DLG2: variants seen among roughly 807,000 people sequenced by gnomAD.
DLG2 encodes the protein discs large MAGUK scaffold protein 2.
Under a neutral mutation model 132.5 loss-of-function variants are expected in DLG2, and 45 were observed. That is an observed-to-expected ratio of 0.34 (90% CI 0.27 to 0.44). The LOEUF (loss-of-function observed/expected upper bound fraction) is 0.44, where lower values mean the gene tolerates loss of function less well. Ranked by LOEUF, DLG2 falls within the 20% of genes least tolerant of loss-of-function variation. The pLI, the probability that DLG2 is intolerant of heterozygous loss-of-function variation, is 1.00. For missense variants in DLG2, 1,045 were observed against 1,196.9 expected, an observed-to-expected ratio of 0.87 and a Z score of 1.87; for synonymous variants, 424 against 419.6, an observed-to-expected ratio of 1.01 and a Z score of -0.13.
chr11:85,063,598 A>G (rs925112696), intron 6 of DLG2, among the ~76,000 whole-genome samples: 1 of 151,878 alleles, frequency 6.6e-6, no homozygotes, highest in Admixed American at 6.6e-5. Context: ...TCTTTCTACA[A>G]AACAAAAGTT....
intron 3 of DLG2, among the ~76,000 whole-genome samples, chr11:85,314,753 T>C (rs2080539037): frequency 6.6e-6 from 1 of 151,990 alleles, no homozygotes; most frequent in Non-Finnish European, 1.5e-5. Flanking sequence ...ACCAGCTCTC[T>C]CAGCACAGGA....
At position 84,555,220 on chromosome 11, in the gene DLG2, T is replaced by A. The variant is rs554893155; in HGVS notation, c.358-20489A>T. On this transcript the variant is annotated intron_variant, in intron 6 of 27. Transcript: ENST00000376104. The stretch of plus-strand genomic sequence containing the variant: ...AGCCTGTAAGAGGATGTAACTGCAA[T>A]AAAAAGCAGTATGGAGGTTCTTCAA... Among the ~76,000 whole-genome samples, 118 of 152,072 alleles carry A rather than the reference T, an allele frequency of 7.8e-4. 2 individuals carry two copies. Among genetic ancestry groups the A allele is most frequent in the Middle Eastern group, 3.4e-3 (1 of 294 alleles).
intron 5 of DLG2, among the ~76,000 whole-genome samples, chr11:85,144,252 C>T (rs557232329): frequency 2.6e-5 from 4 of 151,428 alleles, no homozygotes; most frequent in Admixed American, 6.6e-5. Flanking sequence ...CTAATTCCTG[C>T]TCTTTCTTAG....
At chr11:85,587,758 G>C (rs192252470) in intron 3 of DLG2, among the ~76,000 whole-genome samples, 2 of 152,044 alleles carry the variant, frequency 1.3e-5, no homozygotes, top group East Asian at 3.9e-4. Flanking sequence ...GAACATCTTG[G>C]GTTTTTTCTT....
chr11:83,763,625 C>G (rs112800596), intron 18 of DLG2, among the ~76,000 whole-genome samples: 6,189 of 152,208 alleles, frequency 0.041, 421 homozygotes, highest in African/African-American at 0.14. Context: ...TAAAAGGCAA[C>G]TTTTTCCACA....
intron 4 of DLG2, among the ~76,000 whole-genome samples, chr11:85,209,284 T>C (rs1215239045): frequency 6.6e-6 from 1 of 152,032 alleles, no homozygotes; most frequent in Non-Finnish European, 1.5e-5. Flanking sequence ...AATATCAATG[T>C]TGATTTTTTT....
intron 22 of DLG2, among the ~76,000 whole-genome samples, chr11:83,473,666 T>C (rs970364744): frequency 3.3e-5 from 5 of 152,056 alleles, no homozygotes; most frequent in African/African-American, 1.2e-4. Flanking sequence ...AAAAGAACTT[T>C]CTGTCTACTA....
At chr11:84,963,520 A>G (rs1044210806) in intron 6 of DLG2, among the ~76,000 whole-genome samples, 5 of 152,208 alleles carry the variant, frequency 3.3e-5, no homozygotes, top group African/African-American at 1.2e-4. Context: ...GACAGCCTAC[A>G]TTATTATAAT....
At chr11:84,655,858 CATGCAA>C (rs2099687616) in intron 6 of DLG2, among the ~76,000 whole-genome samples, 1 of 152,020 alleles carries the variant, frequency 6.6e-6, no homozygotes, top group African/African-American at 2.4e-5. Context: ...TTCATCCACC[CATGCAA>C]ATGTTTCATT....
At chr11:83,857,488 AC>A (rs1243201491) in intron 16 of DLG2, among the ~76,000 whole-genome samples, 1 of 152,086 alleles carries the variant, frequency 6.6e-6, no homozygotes, top group Non-Finnish European at 1.5e-5. Flanking sequence ...ATCTCTGAGA[AC>A]CCTGGTAAGA....
chr11:84,929,225 T>G (rs2047816020), intron 6 of DLG2, among the ~76,000 whole-genome samples: 1 of 151,358 alleles, frequency 6.6e-6, no homozygotes, highest in Non-Finnish European at 1.5e-5. Flanking sequence ...ATACTAAGTC[T>G]TTTAATTGTA....
intron 6 of DLG2, among the ~76,000 whole-genome samples, chr11:84,714,733 C>G (rs1372996436): frequency 1.4e-5 from 2 of 148,074 alleles, no homozygotes; most frequent in African/African-American, 5.0e-5. Flanking sequence ...TCATTCTGTT[C>G]TATTTTCTTT....
intron 6 of DLG2, among the ~76,000 whole-genome samples, chr11:84,978,883 C>A (rs921613656): frequency 6.6e-6 from 1 of 152,248 alleles, no homozygotes; most frequent in South Asian, 2.1e-4. Context: ...AGGCAACCTA[C>A]AGAATGGGGG....
chr11:84,546,250 G>A (rs1390466494), intron 6 of DLG2, among the ~76,000 whole-genome samples: 1 of 152,044 alleles, frequency 6.6e-6, no homozygotes, highest in African/African-American at 2.4e-5. Flanking sequence ...GAGTTCTCAC[G>A]AGATCTGATT....
chr11:84,313,651 A>AAGAAAG (rs1555500616), intron 7 of DLG2, among the ~76,000 whole-genome samples: 2 of 148,336 alleles, frequency 1.3e-5, no homozygotes, highest in Admixed American at 6.6e-5. Flanking sequence ...AAAAGAAAGA[A>AAGAAAG]AGAAAGAAAG....
intron 3 of DLG2, among the ~76,000 whole-genome samples, chr11:85,419,710 A>C (rs1376193492): frequency 1.3e-5 from 2 of 152,098 alleles, no homozygotes; most frequent in Non-Finnish European, 2.9e-5. Context: ...CATCTCTTCC[A>C]CTTGATCAAC....
chr11:84,070,206 T>A (rs1280940515), intron 10 of DLG2, among the ~76,000 whole-genome samples: 1 of 152,142 alleles, frequency 6.6e-6, no homozygotes, highest in Non-Finnish European at 1.5e-5. Flanking sequence ...TAAGAAAAAA[T>A]TAGCATCATT....
At chr11:83,754,981 G>A (rs2093588441) in intron 18 of DLG2, among the ~76,000 whole-genome samples, 2 of 151,226 alleles carry the variant, frequency 1.3e-5, no homozygotes, top group South Asian at 2.1e-4. Flanking sequence ...ACTAGAATAT[G>A]TTTCTAGCTT....
intron 7 of DLG2, among the ~76,000 whole-genome samples, chr11:84,372,749 A>G (rs536284124): frequency 6.6e-6 from 1 of 152,326 alleles, no homozygotes; most frequent in East Asian, 1.9e-4. Context: ...TAACATGGAA[A>G]AAGTATTTTC....
Sources: allele counts gnomAD v4.1 joint callset (sites outside exome capture counted in the v4.1 genomes callset), GRCh38; gene constraint gnomAD v4.1.1; transcripts MANE v1.5; gene names NCBI Gene and HGNC (gene_info 2026-07-23, HGNC 2026-07-21).